Variants in RBFOX1 observed in about 807,000 individuals in gnomAD.
The protein encoded by RBFOX1 is RNA binding fox-1 homolog 1, also known as RNA binding protein fox-1 homolog 1.
In RBFOX1, 8 loss-of-function variants were observed where a neutral mutation model predicts 57.7. The ratio of observed to expected loss-of-function variants is 0.14; its 90% confidence interval spans 0.08 to 0.25. The LOEUF (loss-of-function observed/expected upper bound fraction) is 0.25, where lower values mean the gene tolerates loss of function less well. RBFOX1 is among the 10% of genes least tolerant of loss of function. RBFOX1 has a pLI of 1.00. For synonymous variants in RBFOX1, 326 were observed against 222.4 expected, an observed-to-expected ratio of 1.47 and a Z score of -4.15; for missense variants, 611 against 548.5, an observed-to-expected ratio of 1.11 and a Z score of -1.14.
intron 2 of RBFOX1, among the ~76,000 whole-genome samples, chr16:6,347,995 C>T (rs1417525263): frequency 4.6e-5 from 7 of 152,118 alleles, no homozygotes; most frequent in East Asian, 1.9e-4. Context: ...GGCCTTCAGG[C>T]GTGAAAGTGG....
At chr16:7,638,986 C>T (rs1311418308) in intron 11 of RBFOX1, among the ~76,000 whole-genome samples, 2 of 149,478 alleles carry the variant, frequency 1.3e-5, no homozygotes, top group Non-Finnish European at 2.9e-5. Context: ...TTTTAAATGA[C>T]GTGAAGTAGT....
intron 1 of RBFOX1, among the ~76,000 whole-genome samples, chr16:6,206,770 A>G (rs1365711600): frequency 6.6e-6 from 1 of 152,214 alleles, no homozygotes; most frequent in Non-Finnish European, 1.5e-5. Flanking sequence ...AAGGTGCAGC[A>G]GGCTCTCCCT....
intron 2 of RBFOX1, among the ~76,000 whole-genome samples, chr16:6,464,348 A>G (rs1007386743): frequency 2.0e-5 from 3 of 152,208 alleles, no homozygotes; most frequent in Non-Finnish European, 4.4e-5. Context: ...TTTATCAGCA[A>G]TGCTTTTTTA....
chr16:5,763,634 C>T (rs1014583584), intron 3 of RBFOX1, among the ~76,000 whole-genome samples: 6 of 152,238 alleles, frequency 3.9e-5, no homozygotes, highest in African/African-American at 1.4e-4. Flanking sequence ...GAAGTCAGCA[C>T]AAATCTGAAA....
chr16:7,667,464 G>C (rs2069734666), intron 13 of RBFOX1, among the ~76,000 whole-genome samples: 1 of 152,284 alleles, frequency 6.6e-6, no homozygotes, highest in East Asian at 1.9e-4. Flanking sequence ...AGCATGTTCT[G>C]ATGAGTGGAA....
chr16:5,408,336 T>A (rs922023479), intron 1 of RBFOX1, among the ~76,000 whole-genome samples: 1 of 152,248 alleles, frequency 6.6e-6, no homozygotes, highest in African/African-American at 2.4e-5. Context: ...TTTCGTGTTA[T>A]ATGAATCAAT....
intron 3 of RBFOX1, among the ~76,000 whole-genome samples, chr16:6,739,245 A>G (rs976051266): frequency 8.6e-5 from 13 of 152,046 alleles, no homozygotes; most frequent in Admixed American, 3.3e-4. Context: ...GATAGAAAAA[A>G]AAAAAGAAGG....
chr16:5,497,661 C>G (rs1366209219), intron 2 of RBFOX1, among the ~76,000 whole-genome samples: 1 of 149,338 alleles, frequency 6.7e-6, no homozygotes, highest in Non-Finnish European at 1.5e-5. Context: ...GGCACACACT[C>G]CCAGCTGCTT....
intron 1 of RBFOX1, among the ~76,000 whole-genome samples, chr16:6,295,143 C>T (rs1451006162): frequency 7.7e-6 from 1 of 129,946 alleles, no homozygotes; most frequent in Non-Finnish European, 1.5e-5. Flanking sequence ...GGGTATCTCT[C>T]TGTCGGAGTC....
intron 1 of RBFOX1, among the ~76,000 whole-genome samples, chr16:5,389,994 C>T (rs1008774855): frequency 6.6e-6 from 1 of 151,978 alleles, no homozygotes; most frequent in African/African-American, 2.4e-5. Context: ...ACACCATGCC[C>T]GGCCTGCTTT....
chr16:6,331,110 G>A (rs979906064), intron 2 of RBFOX1, among the ~76,000 whole-genome samples: 1 of 152,148 alleles, frequency 6.6e-6, no homozygotes, highest in East Asian at 1.9e-4. Flanking sequence ...CTACTGTGTT[G>A]AAGAAGGCTT....
At position 7,128,597 on chromosome 16, in the gene RBFOX1, G is replaced by C. The variant is rs541004516; in HGVS notation, c.27+76499G>C. Among the ~76,000 whole-genome samples the C allele has an allele frequency of 4.6e-5, 7 of 152,138 alleles. No individual in the cohort carries two copies. In the East Asian group the frequency reaches 5.8e-4, roughly 13 times the overall value. On this transcript the variant is annotated intron_variant, in intron 4 of 15. Transcript: ENST00000550418. ...TGCAGAAGGGGCAAAGGTACTCAAA[G>C]CCTGGAGAGGCTCATGCTAGGAACT...
chr16:5,698,674 G>T (rs2050925463), intron 3 of RBFOX1, among the ~76,000 whole-genome samples: 1 of 152,094 alleles, frequency 6.6e-6, no homozygotes, highest in South Asian at 2.1e-4. Context: ...CTGTTCACCA[G>T]GGCCAAAAGT....
chr16:5,662,204 G>C (rs1347227096), intron 3 of RBFOX1, among the ~76,000 whole-genome samples: 1 of 152,120 alleles, frequency 6.6e-6, no homozygotes, highest in Admixed American at 6.5e-5. Context: ...TGGTCTGTTT[G>C]ACTATTTATA....
intron 1 of RBFOX1, among the ~76,000 whole-genome samples, chr16:6,168,772 A>C (rs2096936545): frequency 6.7e-6 from 1 of 150,304 alleles, no homozygotes; most frequent in African/African-American, 2.4e-5. Flanking sequence ...GTTCTATCTC[A>C]CTTTGCCCAG....
intron 1 of RBFOX1, among the ~76,000 whole-genome samples, chr16:5,391,321 C>T (rs2066401238): frequency 7.2e-6 from 1 of 138,572 alleles, no homozygotes; most frequent in Non-Finnish European, 1.6e-5. Context: ...GGTTATGTTC[C>T]TCCTAGAGGC....
chr16:7,599,127 A>G (rs1040973378), intron 9 of RBFOX1, among the ~76,000 whole-genome samples: 1 of 152,206 alleles, frequency 6.6e-6, no homozygotes, highest in Admixed American at 6.5e-5. Context: ...TTCACACCAG[A>G]CTTTAAATGC....
At chr16:7,550,498 T>G (rs1267329466) in intron 5 of RBFOX1, among the ~76,000 whole-genome samples, 5 of 152,178 alleles carry the variant, frequency 3.3e-5, no homozygotes, top group African/African-American at 1.2e-4. Context: ...CTGGGGGCAC[T>G]GTATCAATAA....
intron 4 of RBFOX1, among the ~76,000 whole-genome samples, chr16:7,417,353 A>G (rs185376320): frequency 5.5e-4 from 79 of 143,280 alleles, no homozygotes; most frequent in African/African-American, 1.8e-3. Context: ...AGCCTGGGCA[A>G]CAGAGCGAGA....
Sources: allele counts gnomAD v4.1 joint callset (sites outside exome capture counted in the v4.1 genomes callset), GRCh38; gene constraint gnomAD v4.1.1; transcripts MANE v1.5; gene names NCBI Gene and HGNC (gene_info 2026-07-23, HGNC 2026-07-21).